Variants in CASTOR2 observed in about 807,000 individuals in gnomAD.
CASTOR2 encodes the protein cytosolic arginine sensor for mTORC1 subunit 2, also known as GATS protein like 2.
Under a neutral mutation model 31.2 loss-of-function variants are expected in CASTOR2, and 8 were observed. That is an observed-to-expected ratio of 0.26 (90% CI 0.15 to 0.46). The LOEUF is 0.46. Among genes scored for constraint, CASTOR2 ranks in the 20% least tolerant of loss-of-function variants. CASTOR2 has a pLI of 0.99. For missense variants in CASTOR2, 216 were observed against 382.1 expected, an observed-to-expected ratio of 0.57 and a Z score of 3.62; for synonymous variants, 162 against 158.7, an observed-to-expected ratio of 1.02 and a Z score of -0.16.
At chr7:74,992,542 C>T (rs1232243919) in intron 1 of CASTOR2, among the ~76,000 whole-genome samples, 1 of 152,058 alleles carries the variant, frequency 6.6e-6, no homozygotes, top group African/African-American at 2.4e-5. Context: ...TGGGTTCGAG[C>T]GATTCTTCTG....
intron 4 of CASTOR2, among the ~76,000 whole-genome samples, chr7:75,018,595 C>A (rs1298275571): frequency 6.6e-6 from 1 of 151,538 alleles, no homozygotes; most frequent in Non-Finnish European, 1.5e-5. Flanking sequence ...CCGTGTCTAG[C>A]AAGGGTGGTG....
intron 2 of CASTOR2, among the ~76,000 whole-genome samples, chr7:75,011,659 C>G (rs1384163763): frequency 2.7e-5 from 4 of 148,474 alleles, no homozygotes; most frequent in Non-Finnish European, 4.4e-5. Context: ...TGTCGTGAAC[C>G]CGGGAGGCGG....
rs1435347850 is a variant in CASTOR2 at position 75,026,185 on chromosome 7, G to A, written c.*1486G>A. Among the ~76,000 whole-genome samples the A allele has an allele frequency of 1.9e-5, 2 of 106,118 alleles. No homozygotes were observed. Among genetic ancestry groups the A allele is most frequent in the African/African-American group, 3.6e-5 (1 of 27,598 alleles). 69.6% of individuals were successfully genotyped at this position (106,118 alleles called of 152,430 possible). A position where few individuals can be genotyped will look rare whatever the true frequency, so the allele number is the denominator to read the frequency against. On this transcript the variant is annotated 3_prime_UTR_variant, in exon 9 of 9. Coordinates refer to ENST00000616305, the MANE Select transcript of CASTOR2 (RefSeq NM_001145064.3). ...GGGCCCCTGTGGTTTTGGCTCTGGCGGGGGTTTTTTTTTTTTTTTTTGAGA... is the reference window on the plus strand; with the variant it reads ...GGGCCCCTGTGGTTTTGGCTCTGGCAGGGGTTTTTTTTTTTTTTTTTGAGA...
chr7:74,986,656 G>A (rs1804074054), intron 1 of CASTOR2, among the ~76,000 whole-genome samples: 2 of 152,178 alleles, frequency 1.3e-5, no homozygotes, highest in African/African-American at 4.8e-5. Flanking sequence ...GAAAATGTGG[G>A]TCTGGGAGAA....
At chr7:75,022,204 T>A (rs931320955) in intron 7 of CASTOR2, among the ~76,000 whole-genome samples, 2,818 of 152,224 alleles carry the variant, frequency 0.019, 96 homozygotes, top group African/African-American at 0.063. Context: ...ATATGTTGCT[T>A]ATTATTAGAA....
At chr7:74,997,790 C>T (rs1804387980) in intron 1 of CASTOR2, among the ~76,000 whole-genome samples, 1 of 151,910 alleles carries the variant, frequency 6.6e-6, no homozygotes, top group Non-Finnish European at 1.5e-5. Context: ...TCTACCCTGC[C>T]ATACACAATG....
At chr7:74,996,510 G>A (rs1804350213) in intron 1 of CASTOR2, among the ~76,000 whole-genome samples, 1 of 151,740 alleles carries the variant, frequency 6.6e-6, no homozygotes, top group African/African-American at 2.4e-5. Context: ...TCTTCAGCAT[G>A]TTGACACAAA....
chr7:75,024,324 CTA>C, intron 7 of CASTOR2, 114 bp from the exon 8 acceptor site: 1 of 1,018,406 alleles, frequency 9.8e-7, no homozygotes, highest in Non-Finnish European at 1.5e-6. Flanking sequence ...TGGGAATTCT[CTA>C]GGAGGATGGT....
intron 1 of CASTOR2, among the ~76,000 whole-genome samples, chr7:74,991,686 T>A (rs1396832927): frequency 2.6e-5 from 4 of 151,840 alleles, no homozygotes; most frequent in African/African-American, 9.7e-5. Flanking sequence ...GGGGACGTAG[T>A]GGAGCATGGT....
Position 75,007,962 on chromosome 7 carries a change from A to T in CASTOR2, c.114-32A>T, listed in dbSNP as rs1554438935. 3.9e-4 allele frequency: 627 copies of T among 1,613,756 alleles called. 1 individual carries two copies. Among genetic ancestry groups the T allele is most frequent in the Non-Finnish European group, 4.5e-4 (533 of 1,179,834 alleles). ...TGCCCCAGGGGACCTGCCTGGACTA[A>T]TGAGATATTCTGTGTCTGTCCATCC... On this transcript the variant is annotated intron_variant, in intron 1 of 8. Transcript: ENST00000616305.
At chr7:75,002,933 A>T (rs1290185202) in intron 1 of CASTOR2, among the ~76,000 whole-genome samples, 3 of 152,042 alleles carry the variant, frequency 2.0e-5, no homozygotes, top group Non-Finnish European at 2.9e-5. Flanking sequence ...ATAAAAATTT[A>T]AAAAATTAGC....
Position 75,024,667 on chromosome 7 carries a change from G to T in CASTOR2, c.958G>T (p.Ala320Ser). 1.3e-6 allele frequency: 2 copies of T among 1,551,630 alleles called. No homozygotes were observed. Among genetic ancestry groups the T allele is most frequent in the South Asian group, 2.4e-5 (2 of 84,050 alleles). The change falls in exon 9 of 9, where the codon GCC becomes TCC. Residue 320 changes from alanine to serine, a missense_variant. By Grantham distance (99) the Ala-to-Ser change is moderately conservative. This residue lies in a region of CASTOR2 where 31 missense variants were observed against 32.7 expected (regional missense o/e 0.95). Transcript: ENST00000616305. ...AGAGAACATCAATGGTGTCATCAGT[G>T]CCCTGAAGGTCAGCCAAGCAGAGAA... The part of the protein sequence containing the change: ...PEENINGVIS[A>S]LKVSQAEKH
At position 75,018,978 on chromosome 7, in the gene CASTOR2, G is replaced by A; in HGVS notation, c.518G>A (p.Arg173Lys). 1 of 1,551,996 alleles carries A rather than the reference G, an allele frequency of 6.4e-7. No individual in the cohort carries two copies. The highest frequency in any genetic ancestry group is 2.0e-5 in the Admixed American group (1 of 50,996). Residue 173 changes from arginine to lysine, a missense_variant, in exon 5 of 9, where the codon AGG becomes AAG. Around this residue, in one of 5 missense-constraint regions of CASTOR2, gnomAD observed 114 missense variants for 194.2 expected, o/e 0.59. Coordinates refer to ENST00000616305, the MANE Select transcript of CASTOR2 (RefSeq NM_001145064.3). ...NGFVKPKLVQRPVIHPLSSPS... is the reference protein window; with the variant it reads ...NGFVKPKLVQKPVIHPLSSPS... Reference sequence around the variant, plus strand: ...CATCTTTGTGCTCTTACAGTCCAGAGGCCAGTCATCCACCCACTGTCCAGC... The same window carrying A: ...CATCTTTGTGCTCTTACAGTCCAGAAGCCAGTCATCCACCCACTGTCCAGC...
intron 1 of CASTOR2, among the ~76,000 whole-genome samples, chr7:74,994,611 G>A (rs1197013110): frequency 2.0e-5 from 3 of 152,072 alleles, no homozygotes; most frequent in Admixed American, 6.5e-5. Flanking sequence ...TTAGCCGGGC[G>A]TGGTGGCAGG....
chr7:74,967,501 C>T (rs1245113101), intron 1 of CASTOR2, among the ~76,000 whole-genome samples: 2 of 146,848 alleles, frequency 1.4e-5, no homozygotes, highest in Admixed American at 6.9e-5. Flanking sequence ...CAGACTAGCA[C>T]AGCATGCCCT....
chr7:75,007,966 G>A, intron 1 of CASTOR2, 28 bp from the exon 2 acceptor site: 1 of 1,613,918 alleles, frequency 6.2e-7, no homozygotes, highest in East Asian at 2.2e-5. Context: ...GGACTAATGA[G>A]ATATTCTGTG....
intron 1 of CASTOR2, among the ~76,000 whole-genome samples, chr7:75,005,462 A>T (rs1370970470): frequency 1.3e-5 from 2 of 152,178 alleles, no homozygotes; most frequent in African/African-American, 4.8e-5. Context: ...CCTCATGTGG[A>T]CATGCCTTAG....
In CASTOR2 at chr7:75,028,998, A is replaced by T. The variant is rs1252609246; in HGVS notation, c.*4299A>T. On this transcript the variant is annotated 3_prime_UTR_variant, in exon 9 of 9. Transcript: ENST00000616305. ...GGCTTCCAGTGTGGCCTCCGGAAGC[A>T]GCAGCGTAGCCAGGGTGACATTTGT... is the stretch of plus-strand genomic sequence containing the variant. Among the ~76,000 whole-genome samples, 3 of 120,766 alleles carry T rather than the reference A, an allele frequency of 2.5e-5. No homozygotes were observed. Among genetic ancestry groups the T allele is most frequent in the Non-Finnish European group, 3.8e-5 (2 of 52,978 alleles). The allele number at this position is 120,766 out of a possible 152,430, so 79.2% of individuals were successfully genotyped here.
intron 2 of CASTOR2, among the ~76,000 whole-genome samples, 153 bp from the exon 3 acceptor site, chr7:75,017,445 C>T (rs1804891260): frequency 6.6e-6 from 1 of 151,824 alleles, no homozygotes; most frequent in South Asian, 2.1e-4. Flanking sequence ...GCAAGACTGT[C>T]TCAAAAAAAA....
Sources: allele counts gnomAD v4.1 joint callset (sites outside exome capture counted in the v4.1 genomes callset), GRCh38; gene constraint gnomAD v4.1.1; regional missense constraint gnomAD v4.1.1; transcripts MANE v1.5; gene names NCBI Gene and HGNC (gene_info 2026-07-23, HGNC 2026-07-21).